Variants in CDHR5 observed in about 807,000 individuals in gnomAD.
CDHR5 encodes the protein cadherin related family member 5, also known as cadherin-related family member 5.
A neutral mutation model predicts 69.5 loss-of-function variants in CDHR5; 82 were observed. The ratio of observed to expected loss-of-function variants is 1.18; its 90% CI spans 0.99 to 1.42. The LOEUF (loss-of-function observed/expected upper bound fraction) is 1.42, where lower values mean the gene tolerates loss of function less well. CDHR5 is among the 40% of genes most tolerant of loss of function. The pLI, the probability that CDHR5 is intolerant of heterozygous loss-of-function variation, is 0.00. For missense variants in CDHR5, 1,293 were observed against 1,168.9 expected (o/e 1.11, Z -1.55); for synonymous variants, 601 against 510.2 (o/e 1.18, Z -2.40).
rs760025196 is a variant in CDHR5 at position 624,207 on chromosome 11, A to T, written c.312+6T>A. The T allele has an allele frequency of 2.6e-6, 2 of 756,098 alleles. No homozygotes were observed. Among genetic ancestry groups the T allele is most frequent in the Non-Finnish European group, 4.9e-6 (2 of 407,050 alleles). The allele number at this position is 756,098 out of a possible 1,614,324, so 46.8% of individuals were successfully genotyped here. ...GTGGGGCGGGGAGAGCGGGGCGGGG[A>T]CTCACCAATGTGCCTCCGCTCTGAC... On this transcript the variant is annotated splice_donor_region_variant and intron_variant, in intron 3 of 14. Coordinates refer to ENST00000397542, the MANE Select transcript of CDHR5 (RefSeq NM_021924.5). This position sits in a 1 kb window ranked among gnomAD's most constrained non-coding sequence, Gnocchi z 5.3.
In CDHR5 at chr11:619,065, T is replaced by TCC. The variant is rs1321362534; in HGVS notation, c.1492_1493dup (p.Gly499GlufsTer13). 1 of 1,612,384 alleles carries TCC rather than the reference T, an allele frequency of 6.2e-7. No homozygotes were observed. The highest frequency in any genetic ancestry group is 1.7e-5 in the Admixed American group (1 of 59,958). Reference sequence around the variant, plus strand: ...CAGAGGGTGGATGAGGGCCTGTGCCTCCCCCAGAGCTGGTCGTGGAGGGTC... The same window carrying TCC: ...CAGAGGGTGGATGAGGGCCTGTGCCTCCCCCCCAGAGCTGGTCGTGGAGGGTC... On this transcript the variant is annotated frameshift_variant, in exon 13 of 15. Transcript: ENST00000397542. LOFTEE classifies it high-confidence loss of function.
chr11:617,728 C>T lies in CDHR5; in HGVS notation c.2161G>A (p.Asp721Asn). The change falls in exon 15 of 15, where the codon GAC (aspartate) becomes AAC (asparagine). Residue 721 changes from aspartate (D) to asparagine (N), a missense_variant. Asp to Asn is a conservative substitution (Grantham distance 23, BLOSUM62 1). Coordinates refer to ENST00000397542, the MANE Select transcript of CDHR5 (RefSeq NM_021924.5). ...ACGGGCGCCCAGTTGGCCTTGTGGT[C>T]AGGGAGGAACGCCTGGTTGTCAAAG... ...QGFDNQAFLP[D>N]HKANWAPVPS... 1 of 1,460,070 alleles carries T rather than the reference C, an allele frequency of 6.8e-7. No individual in the cohort carries two copies. The highest frequency in any genetic ancestry group is 9.0e-7 in the Non-Finnish European group (1 of 1,114,258). The allele number at this position is 1,460,070 out of a possible 1,614,324, so 90.4% of individuals were successfully genotyped here.
intron 13 of CDHR5, 115 bp downstream of exon 13, chr11:618,484 C>T: frequency 7.9e-7 from 1 of 1,273,350 alleles, no homozygotes. Context: ...AAACAGACTC[C>T]TCTTTGGGAT....
chr11:618,010 C>T lies in CDHR5; in HGVS notation c.2062G>A (p.Val688Ile), dbSNP rs373348563. 32 of 1,612,258 alleles carry T rather than the reference C, an allele frequency of 2.0e-5. No individual in the cohort carries two copies. Among genetic ancestry groups the T allele is most frequent in the Middle Eastern group, 3.3e-4 (2 of 6,080 alleles). ...GGGCCATAGTGCTTGTGGACAAGGACGGCGAGGCCAAGGAGAGCCAGCAGC... is the reference window on the plus strand; with the variant it reads ...GGGCCATAGTGCTTGTGGACAAGGATGGCGAGGCCAAGGAGAGCCAGCAGC... The part of the protein sequence containing the change: ...LLLLALLGLA[V>I]LVHKHYGPRL... Residue 688 changes from valine (V) to isoleucine (I), a missense_variant, in exon 14 of 15, where the codon GTC becomes ATC. Physicochemically the swap from Val to Ile is conservative, Grantham distance 29. Coordinates refer to ENST00000397542, the MANE Select transcript of CDHR5 (RefSeq NM_021924.5).
intron 8 of CDHR5, 45 bp from the exon 9 acceptor site, chr11:620,209 A>G: frequency 6.3e-7 from 1 of 1,591,714 alleles, no homozygotes; most frequent in Middle Eastern, 1.7e-4. Context: ...CCTGAGGCCC[A>G]GGGACCCAGC....
At position 618,739 on chromosome 11, in the gene CDHR5, G is replaced by C; in HGVS notation, c.1820C>G (p.Ala607Gly). The stretch of plus-strand genomic sequence containing the variant: ...GGGGGGCATCGGCTGAGAGGTTCCT[G>C]CCTCTGGGGTCTGTGCTGTGCCCCC... Reference protein sequence around the residue: ...PGGGTAQTPEAGTSQPMPPGM... With the variant: ...PGGGTAQTPEGGTSQPMPPGM... Residue 607 changes from alanine to glycine, a missense_variant, in exon 13 of 15, where the codon GCA (alanine) becomes GGA (glycine). Ala to Gly is a moderately conservative substitution (Grantham distance 60). Coordinates refer to ENST00000397542, the MANE Select transcript of CDHR5 (RefSeq NM_021924.5). 1.9e-6 allele frequency: 3 copies of C among 1,600,684 alleles called. No individual in the cohort carries two copies. Among genetic ancestry groups the C allele is most frequent in the Non-Finnish European group, 2.6e-6 (3 of 1,175,560 alleles).
At chr11:620,002 G>A in intron 9 of CDHR5, 65 bp downstream of exon 9, 4 of 1,205,934 alleles carry the variant, frequency 3.3e-6, no homozygotes, top group Non-Finnish European at 4.5e-6. Flanking sequence ...CCCCAGCCCT[G>A]ACCCCCCGCC....
At position 616,999 on chromosome 11, in the gene CDHR5, A is replaced by T; in HGVS notation, c.*352T>A. ...GCCGGGTGCCTGAGATCTCCGGTGCAGGTCGGGGGAGGGGAGCCCCCCTCG... is the reference window on the plus strand; with the variant it reads ...GCCGGGTGCCTGAGATCTCCGGTGCTGGTCGGGGGAGGGGAGCCCCCCTCG... On this transcript the variant is annotated 3_prime_UTR_variant, in exon 15 of 15. Coordinates refer to ENST00000397542, the MANE Select transcript of CDHR5 (RefSeq NM_021924.5). 6 of 290,594 alleles carry T rather than the reference A, an allele frequency of 2.1e-5. No individual in the cohort carries two copies. Among genetic ancestry groups the T allele is most frequent in the Non-Finnish European group, 2.6e-5 (4 of 153,460 alleles). The allele number at this position is 290,594 out of a possible 1,614,324, so 18.0% of individuals were successfully genotyped here.
Position 624,817 on chromosome 11 carries a change from C to A in CDHR5, c.85+1G>T. ...CCCCACCTACCCCTGCCCGCACATACACTGGGCCTGGGCCATGGTCCCCGG... is the reference window on the plus strand; with the variant it reads ...CCCCACCTACCCCTGCCCGCACATAAACTGGGCCTGGGCCATGGTCCCCGG... On this transcript the variant is annotated splice_donor_variant, in intron 1 of 14. Coordinates refer to ENST00000397542, the MANE Select transcript of CDHR5 (RefSeq NM_021924.5). LOFTEE classifies it high-confidence loss of function. This position sits in a 1 kb window ranked among gnomAD's most constrained non-coding sequence, Gnocchi z 5.3. 6.2e-7 allele frequency: 1 copy of A among 1,609,838 alleles called. No individual in the cohort carries two copies. The highest frequency in any genetic ancestry group is 1.1e-5 in the South Asian group (1 of 90,878).
chr11:624,937 G>A lies in CDHR5; in HGVS notation c.-35C>T, dbSNP rs368651638. ...TGTCACCTGGCAGGAGGGTCTGAGCGGGTCTGGCGTCTAGGACTGGCGCAG... is the reference window on the plus strand; with the variant it reads ...TGTCACCTGGCAGGAGGGTCTGAGCAGGTCTGGCGTCTAGGACTGGCGCAG... On this transcript the variant is annotated 5_prime_UTR_variant, in exon 1 of 15. Coordinates refer to ENST00000397542, the MANE Select transcript of CDHR5 (RefSeq NM_021924.5). This position sits in a 1 kb window ranked among gnomAD's most constrained non-coding sequence, Gnocchi z 5.3. 1.5e-5 allele frequency: 22 copies of A among 1,504,644 alleles called. No individual in the cohort carries two copies. Among genetic ancestry groups the A allele is most frequent in the East Asian group, 4.9e-5 (2 of 40,780 alleles). The allele number at this position is 1,504,644 out of a possible 1,614,324, so 93.2% of individuals were successfully genotyped here. A position where few individuals can be genotyped will look rare whatever the true frequency, so the allele number is the denominator to read the frequency against.
At position 621,919 on chromosome 11, in the gene CDHR5, C is replaced by T. The variant is rs768867094; in HGVS notation, c.313-15G>A. The T allele has an allele frequency of 8.1e-6, 13 of 1,603,012 alleles. No homozygotes were observed. Among genetic ancestry groups the T allele is most frequent in the Admixed American group, 6.7e-5 (4 of 59,586 alleles). ...AGCTGGGTCACCTGCAGGATGTGGC[C>T]GTCAGCCTCTCCCACAGCCCCTCCC... is the stretch of plus-strand genomic sequence containing the variant. On this transcript the variant is annotated splice_polypyrimidine_tract_variant and intron_variant, in intron 3 of 14. Transcript: ENST00000397542. The surrounding 1 kb of genome is among the most constrained non-coding windows in gnomAD (Gnocchi z 4.4).
chr11:620,255 G>T (rs764715206), intron 8 of CDHR5, 41 bp downstream of exon 8: 9 of 1,587,500 alleles, frequency 5.7e-6, no homozygotes, highest in Non-Finnish European at 8.6e-7. Flanking sequence ...GACAGGGACA[G>T]AGGGGGTACA....
In CDHR5 at chr11:621,514, G is replaced by A. The variant is rs762264197; in HGVS notation, c.507+48C>T. 3 of 1,589,656 alleles carry A rather than the reference G, an allele frequency of 1.9e-6. No individual in the cohort carries two copies. The highest frequency in any genetic ancestry group is 2.2e-5 in the South Asian group (2 of 90,652). On this transcript the variant is annotated intron_variant, in intron 5 of 14. Coordinates refer to ENST00000397542, the MANE Select transcript of CDHR5 (RefSeq NM_021924.5). The surrounding 1 kb of genome is among the most constrained non-coding windows in gnomAD (Gnocchi z 4.4). The stretch of plus-strand genomic sequence containing the variant: ...CCTTGGAGGGCGAGGGCGGCTGTGG[G>A]TGTCAGAGGCGAGGGGCTCGTGCTG...
chr11:624,873 G>T lies in CDHR5; in HGVS notation c.30C>A (p.Pro10=). ...GGACGAGCAGCCCGGTGAACAGCAG[G>T]GGAGGCCACAGCAGGGCCCAAGACC... MGSWALLWP[P]LLFTGLLVRP... The change falls in exon 1 of 15, where the codon CCC becomes CCA. Residue 10 remains proline (P), a synonymous_variant. Transcript: ENST00000397542. The surrounding 1 kb of genome is among the most constrained non-coding windows in gnomAD (Gnocchi z 5.3). The T allele has an allele frequency of 6.3e-7, 1 of 1,577,018 alleles. No individual in the cohort carries two copies. Among genetic ancestry groups the T allele is most frequent in the Non-Finnish European group, 8.6e-7 (1 of 1,163,664 alleles).
rs1206877956 is a variant in CDHR5, at chr11:619,312, AG to A, written c.1371del (p.Ser458ProfsTer53). 6.2e-7 allele frequency: 1 copy of A among 1,607,962 alleles called. No homozygotes were observed. The highest frequency in any genetic ancestry group is 1.1e-5 in the South Asian group (1 of 90,880). On this transcript the variant is annotated frameshift_variant, in exon 12 of 15. Transcript: ENST00000397542. LOFTEE classifies it high-confidence loss of function. Reference protein sequence around the residue: ...IEIQVSEQEPPSTDVPPSPEA... With the variant: ...IEIQVSEQEPXSTDVPPSPEA... The stretch of plus-strand genomic sequence containing the variant: ...CCTGTGGAGGGGGGCTTACCTGTGG[AG>A]GGGGGCTCCTGTTCGGAAACTTGTA...
In CDHR5 at chr11:621,547, G is replaced by C; in HGVS notation, c.507+15C>G. 6.2e-7 allele frequency: 1 copy of C among 1,605,056 alleles called. No individual in the cohort carries two copies. The highest frequency in any genetic ancestry group is 1.1e-5 in the South Asian group (1 of 90,896). On this transcript the variant is annotated intron_variant, in intron 5 of 14. Transcript: ENST00000397542. This position sits in a 1 kb window ranked among gnomAD's most constrained non-coding sequence, Gnocchi z 4.4. ...GGCGAGGGGCTCGTGCTGGGGCAGG[G>C]TGGGCGGCACTGACTGCTGTCATTT...
chr11:624,339 G>A lies in CDHR5; in HGVS notation c.262-76C>T. 1.4e-6 allele frequency: 1 copy of A among 730,522 alleles called. No individual in the cohort carries two copies. Among genetic ancestry groups the A allele is most frequent in the Admixed American group, 2.0e-5 (1 of 50,672 alleles). 45.3% of individuals were successfully genotyped at this position (730,522 alleles called of 1,614,324 possible). Reference sequence around the variant, plus strand: ...GACTGAGGCCAAGTGGGCAGGCGCTGGCCCAGGGTCCCCATCATCAGTGGT... The same window carrying A: ...GACTGAGGCCAAGTGGGCAGGCGCTAGCCCAGGGTCCCCATCATCAGTGGT... On this transcript the variant is annotated intron_variant, in intron 2 of 14. Transcript: ENST00000397542. The surrounding 1 kb of genome is among the most constrained non-coding windows in gnomAD (Gnocchi z 5.3).
chr11:623,491 T>G (rs1857540370), intron 3 of CDHR5, among the ~76,000 whole-genome samples: 1 of 152,004 alleles, frequency 6.6e-6, no homozygotes, highest in South Asian at 2.1e-4. Context: ...AGCAGGATGT[T>G]GGGGGAGCGG....
chr11:620,957 A>T, intron 7 of CDHR5, 123 bp downstream of exon 7: 1 of 688,788 alleles, frequency 1.5e-6, no homozygotes, highest in Admixed American at 3.3e-5. Flanking sequence ...TTTCAAAATC[A>T]CGACCGAAAT....
Sources: gnomAD v4.1 joint callset for allele counts (sites outside exome capture counted in the v4.1 genomes callset) on GRCh38, gnomAD v4.1.1 for gene constraint, Gnocchi (gnomAD v3.1) non-coding constraint, MANE v1.5 for transcripts, NCBI Gene and HGNC (gene_info 2026-07-23, HGNC 2026-07-21) for gene names.